PPP1R14C: variants seen among roughly 807,000 people sequenced by gnomAD.
The protein encoded by PPP1R14C is protein phosphatase 1 regulatory inhibitor subunit 14C.
Under a neutral mutation model 20.4 loss-of-function variants are expected in PPP1R14C, and 16 were observed. That is an observed-to-expected ratio of 0.78 (90% CI 0.53 to 1.19). PPP1R14C has a LOEUF of 1.19. Among genes scored for constraint, PPP1R14C ranks in the 50% most tolerant of loss-of-function variants. PPP1R14C has a pLI of 0.00. For missense variants in PPP1R14C, 211 were observed against 220.1 expected, an observed-to-expected ratio of 0.96 and a Z score of 0.26; for synonymous variants, 91 against 91.0, an observed-to-expected ratio of 1.00 and a Z score of 0.00.
intron 1 of PPP1R14C, among the ~76,000 whole-genome samples, chr6:150,179,939 G>A (rs979238007): frequency 3.3e-5 from 5 of 152,126 alleles, no homozygotes; most frequent in African/African-American, 1.2e-4. Flanking sequence ...CGGTGGCTCC[G>A]GCCTATAATT....
chr6:150,228,743 C>T (rs957365356), intron 3 of PPP1R14C, among the ~76,000 whole-genome samples: 6 of 151,980 alleles, frequency 3.9e-5, no homozygotes, highest in African/African-American at 1.5e-4. Flanking sequence ...TTAGAGCTCA[C>T]CTCTCAGGAG....
At chr6:150,230,913 A>G (rs1271639868) in intron 3 of PPP1R14C, among the ~76,000 whole-genome samples, 1 of 152,222 alleles carries the variant, frequency 6.6e-6, no homozygotes, top group African/African-American at 2.4e-5. Context: ...AATGAGAGGA[A>G]CAGATGAATT....
At position 150,143,298 on chromosome 6, in the gene PPP1R14C, T is replaced by G; in HGVS notation, c.106T>G (p.Ser36Ala). The change falls in exon 1 of 4, where the codon TCC becomes GCC. Residue 36 changes from serine (S) to alanine (A), a missense_variant. Physicochemically the swap from Ser to Ala is moderately conservative, Grantham distance 99 (BLOSUM62 1). Transcript: ENST00000361131. This position sits in a 1 kb window ranked among gnomAD's most constrained non-coding sequence, Gnocchi z 5.6. ...PRGGAGGSPG[S>A]SSGSGSSRED... is the part of the protein sequence containing the mutation. Reference sequence around the variant, plus strand: ...GGGTGGCGCCGGTGGCAGCCCCGGCTCCAGCAGCGGCTCAGGCTCCTCCCG... The same window carrying G: ...GGGTGGCGCCGGTGGCAGCCCCGGCGCCAGCAGCGGCTCAGGCTCCTCCCG... 6.4e-7 allele frequency: 1 copy of G among 1,565,920 alleles called. No homozygotes were observed. Among genetic ancestry groups the G allele is most frequent in the Non-Finnish European group, 8.6e-7 (1 of 1,161,082 alleles).
intron 3 of PPP1R14C, among the ~76,000 whole-genome samples, chr6:150,223,609 AC>A (rs1404179325): frequency 2.0e-5 from 3 of 151,976 alleles, no homozygotes; most frequent in Non-Finnish European, 2.9e-5. Context: ...ATTTGGAGAA[AC>A]TTTTCATATG....
At chr6:150,243,390 C>T (rs908340997) in intron 3 of PPP1R14C, among the ~76,000 whole-genome samples, 6 of 151,940 alleles carry the variant, frequency 3.9e-5, no homozygotes, top group South Asian at 2.1e-4. Context: ...GTTGTCCAGG[C>T]GGGTCTTGAA....
chr6:150,167,923 C>T (rs1015246060), intron 1 of PPP1R14C, among the ~76,000 whole-genome samples: 1 of 106,436 alleles, frequency 9.4e-6, no homozygotes, highest in African/African-American at 3.5e-5. Context: ...AAAGAACTCC[C>T]CCTTTCTCTC....
chr6:150,143,096 C>G lies in PPP1R14C; in HGVS notation c.-97C>G. On this transcript the variant is annotated 5_prime_UTR_variant, in exon 1 of 4. Transcript: ENST00000361131. The surrounding 1 kb of genome is among the most constrained non-coding windows in gnomAD (Gnocchi z 5.6). ...GGCGCAGAGCAGGTGCCGGGGAGCC[C>G]TTCGCATGCGGCTGCCGGGCCGGAG... 3.5e-6 allele frequency: 4 copies of G among 1,139,184 alleles called. No individual in the cohort carries two copies. The highest frequency in any genetic ancestry group is 4.3e-6 in the Non-Finnish European group (4 of 933,150). 70.6% of individuals were successfully genotyped at this position (1,139,184 alleles called of 1,614,324 possible). A position where few individuals can be genotyped will look rare whatever the true frequency, so the allele number is the denominator to read the frequency against.
At chr6:150,197,675 G>T (rs111689577) in intron 1 of PPP1R14C, among the ~76,000 whole-genome samples, 1 of 152,096 alleles carries the variant, frequency 6.6e-6, no homozygotes, top group Non-Finnish European at 1.5e-5. Context: ...GTCCCTGCCC[G>T]CCACGGTGGA....
chr6:150,216,618 C>G (rs1778097721), intron 2 of PPP1R14C, among the ~76,000 whole-genome samples: 1 of 151,902 alleles, frequency 6.6e-6, no homozygotes, highest in Admixed American at 6.6e-5. Context: ...CATGTGTATG[C>G]AGGCTGAAGA....
chr6:150,238,762 A>G (rs879529462), intron 3 of PPP1R14C, among the ~76,000 whole-genome samples: 1 of 152,264 alleles, frequency 6.6e-6, no homozygotes, highest in African/African-American at 2.4e-5. Context: ...GGCTCAGTAC[A>G]TACTTATCAA....
At chr6:150,163,257 G>C (rs1215218068) in intron 1 of PPP1R14C, among the ~76,000 whole-genome samples, 8 of 152,094 alleles carry the variant, frequency 5.3e-5, no homozygotes, top group African/African-American at 1.7e-4. Context: ...CGGGCATGGT[G>C]GCGGGCGCCT....
intron 3 of PPP1R14C, among the ~76,000 whole-genome samples, chr6:150,218,474 A>AC (rs761314559): frequency 0.057 from 5,561 of 97,800 alleles, 207 homozygotes; most frequent in African/African-American, 0.086. Flanking sequence ...ATACATCTGA[A>AC]CCCCCCCCCC....
At chr6:150,236,194 C>T (rs994585148) in intron 3 of PPP1R14C, among the ~76,000 whole-genome samples, 1 of 152,040 alleles carries the variant, frequency 6.6e-6, no homozygotes, top group East Asian at 1.9e-4. Flanking sequence ...CCTTGTGAGC[C>T]TGGTTTATAA....
chr6:150,223,747 A>G (rs1435884863), intron 3 of PPP1R14C, among the ~76,000 whole-genome samples: 1 of 152,112 alleles, frequency 6.6e-6, no homozygotes, highest in Non-Finnish European at 1.5e-5. Context: ...TATTTTGGAT[A>G]ATAGGCCTTT....
At chr6:150,173,405 C>T (rs945360383) in intron 1 of PPP1R14C, among the ~76,000 whole-genome samples, 2 of 152,032 alleles carry the variant, frequency 1.3e-5, no homozygotes, top group African/African-American at 4.8e-5. Flanking sequence ...GCCTTTGGCA[C>T]CCTCTCCTGG....
intron 1 of PPP1R14C, among the ~76,000 whole-genome samples, chr6:150,167,017 G>C (rs1177108057): frequency 1.3e-5 from 2 of 152,092 alleles, no homozygotes; most frequent in African/African-American, 2.4e-5. Context: ...AATCCCTTGA[G>C]GTTAGAAGTT....
At chr6:150,207,645 T>C (rs1344007823) in intron 1 of PPP1R14C, among the ~76,000 whole-genome samples, 1 of 152,258 alleles carries the variant, frequency 6.6e-6, no homozygotes, top group African/African-American at 2.4e-5. Context: ...TACATGAAGA[T>C]GTAAGACCTA....
chr6:150,166,530 A>T (rs995741431), intron 1 of PPP1R14C, among the ~76,000 whole-genome samples: 1 of 152,120 alleles, frequency 6.6e-6, no homozygotes, highest in Non-Finnish European at 1.5e-5. Context: ...ATGAACAAAG[A>T]GGGGCAGGGG....
chr6:150,153,323 C>T (rs1013469781), intron 1 of PPP1R14C, among the ~76,000 whole-genome samples: 2 of 152,210 alleles, frequency 1.3e-5, no homozygotes, highest in Admixed American at 1.3e-4. Context: ...GGTTCTTTTT[C>T]CTGGTTATAA....
Sources: allele counts gnomAD v4.1 joint callset (sites outside exome capture counted in the v4.1 genomes callset), GRCh38; gene constraint gnomAD v4.1.1; non-coding constraint Gnocchi (gnomAD v3.1); transcripts MANE v1.5; gene names NCBI Gene and HGNC (gene_info 2026-07-23, HGNC 2026-07-21).